Variants in CTNNA1 observed in about 807,000 individuals in gnomAD.
CTNNA1 encodes the protein catenin alpha 1.
A neutral mutation model predicts 98.4 loss-of-function variants in CTNNA1; 37 were observed. That is an observed-to-expected ratio of 0.38 (90% CI 0.29 to 0.49). The LOEUF is 0.49. Ranked by LOEUF, CTNNA1 falls within the 20% of genes least tolerant of loss-of-function variation. The pLI is 0.95. For synonymous variants in CTNNA1, 404 were observed against 413.2 expected (o/e 0.98, Z 0.27); for missense variants, 761 against 1,147.2 (o/e 0.66, Z 4.86).
chr5:138,841,161 A>T (rs2149816771), intron 7 of CTNNA1, among the ~76,000 whole-genome samples: 1 of 152,280 alleles, frequency 6.6e-6, no homozygotes, highest in Non-Finnish European at 1.5e-5. Context: ...TTTTCAGTTG[A>T]ATCTTTGTTC....
chr5:138,867,842 T>C (rs972932361), intron 7 of CTNNA1, among the ~76,000 whole-genome samples: 1 of 150,874 alleles, frequency 6.6e-6, no homozygotes, highest in African/African-American at 2.4e-5. Flanking sequence ...AACCTCCACC[T>C]CCGGGTTCAA....
intron 1 of CTNNA1, among the ~76,000 whole-genome samples, chr5:138,768,394 G>A (rs892800327): frequency 6.6e-6 from 1 of 151,714 alleles, no homozygotes; most frequent in Non-Finnish European, 1.5e-5. Flanking sequence ...CAAGTACTGG[G>A]ACTACAGGTG....
rs36038829 is a variant in CTNNA1, at chr5:138,768,558, G to GTTTT, written c.-2-13344_-2-13341dup. Among the ~76,000 whole-genome samples the GTTTT allele has an allele frequency of 1.1e-3, 72 of 67,590 alleles. 1 individual carries two copies. Among genetic ancestry groups the GTTTT allele is most frequent in the African/African-American group, 1.7e-3 (33 of 19,926 alleles). 44.3% of individuals were successfully genotyped at this position (67,590 alleles called of 152,430 possible). A position where few individuals can be genotyped will look rare whatever the true frequency, so the allele number is the denominator to read the frequency against. The stretch of plus-strand genomic sequence containing the variant: ...TTACAGGCATGAGACAACGGTGTCT[G>GTTTT]TTTTTTTTTTTTTTTTTTTTTTTTG... On this transcript the variant is annotated intron_variant, in intron 1 of 17. Transcript: ENST00000302763.
chr5:138,797,272 T>C (rs1757079867), intron 3 of CTNNA1, among the ~76,000 whole-genome samples: 1 of 152,132 alleles, frequency 6.6e-6, no homozygotes, highest in South Asian at 2.1e-4. Context: ...AAAGTAAAAA[T>C]AAACAATAAA....
At chr5:138,894,135 T>A (rs1756159461) in intron 9 of CTNNA1, among the ~76,000 whole-genome samples, 1 of 151,590 alleles carries the variant, frequency 6.6e-6, no homozygotes, top group South Asian at 2.1e-4. Flanking sequence ...GCCAGGCTGG[T>A]CTCGAACTCC....
At chr5:138,929,452 C>G (rs1580897827) in intron 14 of CTNNA1, 96 bp downstream of exon 14, 1 of 663,912 alleles carries the variant, frequency 1.5e-6, no homozygotes, top group East Asian at 2.7e-5. Context: ...ATTCAGAACA[C>G]CGTTTCTCTC....
chr5:138,829,565 T>C (rs1761058274), intron 7 of CTNNA1, among the ~76,000 whole-genome samples: 1 of 152,200 alleles, frequency 6.6e-6, no homozygotes, highest in Non-Finnish European at 1.5e-5. Context: ...TCACCCCTGG[T>C]CATGAGTAAC....
intron 7 of CTNNA1, among the ~76,000 whole-genome samples, chr5:138,867,899 A>G (rs867323313): frequency 1.3e-5 from 2 of 151,814 alleles, no homozygotes; most frequent in African/African-American, 2.4e-5. Context: ...TTACAGGCGC[A>G]TACCAGGTTG....
chr5:138,875,291 TGAGTGCATTTACTGAAAA>T, intron 7 of CTNNA1: 1 of 566,090 alleles, frequency 1.8e-6, no homozygotes, highest in Non-Finnish European at 2.3e-6. Context: ...TGGAGCAGCA[TGAGTGCATTTACTGAAAA>T]GCTTTTCCGA....
chr5:138,860,980 A>G (rs774058215), intron 7 of CTNNA1, among the ~76,000 whole-genome samples: 18 of 152,030 alleles, frequency 1.2e-4, no homozygotes, highest in Non-Finnish European at 2.6e-4. Flanking sequence ...GGTAAATTAC[A>G]AGGGAAAATA....
chr5:138,850,255 T>C (rs1438771213), intron 7 of CTNNA1, among the ~76,000 whole-genome samples: 1 of 152,240 alleles, frequency 6.6e-6, no homozygotes, highest in Admixed American at 6.5e-5. Flanking sequence ...TTCCTTCTTC[T>C]TTCTTAGATA....
intron 8 of CTNNA1, among the ~76,000 whole-genome samples, chr5:138,887,119 A>T (rs557196827): frequency 1.3e-5 from 2 of 152,128 alleles, no homozygotes; most frequent in African/African-American, 4.8e-5. Context: ...TATTTAGCCA[A>T]TTAGGCTAAT....
At chr5:138,799,720 T>C (rs572391409) in intron 3 of CTNNA1, among the ~76,000 whole-genome samples, 2 of 152,156 alleles carry the variant, frequency 1.3e-5, no homozygotes, top group East Asian at 3.9e-4. Context: ...GTTTTGCTGA[T>C]GGAGAAAGTG....
chr5:138,880,950 C>A, intron 7 of CTNNA1: 8 of 416,628 alleles, frequency 1.9e-5, no homozygotes, highest in Admixed American at 5.4e-5. Flanking sequence ...AAAAAAAACA[C>A]ATTGAATATG....
chr5:138,871,964 AAG>A (rs1750683040), intron 7 of CTNNA1: 1 of 151,742 alleles, frequency 6.6e-6, no homozygotes, highest in African/African-American at 2.4e-5. Context: ...AAGCAGAAGA[AAG>A]AGGTTTAAAC....
intron 17 of CTNNA1, among the ~76,000 whole-genome samples, chr5:138,933,553 G>T (rs1482285266): frequency 6.6e-6 from 1 of 152,218 alleles, no homozygotes; most frequent in African/African-American, 2.4e-5. Context: ...GCTGAGGGGT[G>T]GGGGTGAGCA....
intron 10 of CTNNA1, among the ~76,000 whole-genome samples, chr5:138,907,384 A>C (rs1256937323): frequency 6.6e-6 from 1 of 152,220 alleles, no homozygotes. Flanking sequence ...AATTTTAAAC[A>C]ATTGGTAACT....
chr5:138,924,606 G>C lies in CTNNA1; in HGVS notation c.1643G>C (p.Arg548Pro). The C allele has an allele frequency of 6.2e-7, 1 of 1,613,988 alleles. No individual in the cohort carries two copies. The highest frequency in any genetic ancestry group is 8.5e-7 in the Non-Finnish European group (1 of 1,179,986). ...LDRTAGAIRG[R>P]AARVIHVVTS... ...CGCACAGCTGGTGCAATTCGAGGCC[G>C]GGCAGCCCGGGTCATTCACGTAGTC... Residue 548 changes from arginine to proline, a missense_variant, in exon 12 of 18, where the codon CGG (arginine) becomes CCG (proline). By Grantham distance (103) the Arg-to-Pro change is moderately radical. Coordinates refer to ENST00000302763, the MANE Select transcript of CTNNA1 (RefSeq NM_001903.5).
In CTNNA1 at chr5:138,929,162, G is replaced by A. The variant is rs560635660; in HGVS notation, c.1900-84G>A. On this transcript the variant is annotated intron_variant, in intron 13 of 17. Coordinates refer to ENST00000302763, the MANE Select transcript of CTNNA1 (RefSeq NM_001903.5). ...TTAAAATCCAGAATTCTGGGCCTCC[G>A]TGCACCTGGCCAAGAGGCTCAGGGT... The A allele has an allele frequency of 1.3e-3, 1,070 of 797,466 alleles. 2 individuals are homozygous for A. The highest frequency in any genetic ancestry group is 2.0e-3 in the Non-Finnish European group (874 of 435,254). The allele number at this position is 797,466 out of a possible 1,614,324, so 49.4% of individuals were successfully genotyped here. A position where few individuals can be genotyped will look rare whatever the true frequency, so the allele number is the denominator to read the frequency against.
Sources: gnomAD v4.1 joint callset for allele counts (sites outside exome capture counted in the v4.1 genomes callset) on GRCh38, gnomAD v4.1.1 for gene constraint, MANE v1.5 for transcripts, NCBI Gene and HGNC (gene_info 2026-07-23, HGNC 2026-07-21) for gene names.